Variants in ATP6V1C1 observed in about 807,000 individuals in gnomAD.
ATP6V1C1 encodes V-type proton ATPase subunit C 1.
ATP6V1C1 carries 45 observed loss-of-function variants against 53.9 expected under a neutral mutation model. The observed-to-expected ratio is 0.83, with a 90% CI of 0.66 to 1.07. The LOEUF is 1.07. ATP6V1C1 is among the 50% of genes least tolerant of loss of function. The probability of loss-of-function intolerance (pLI) is 0.00; values close to 1 mark genes in which losing one functional copy is unlikely to be tolerated. For missense variants in ATP6V1C1, 315 were observed against 440.3 expected, an observed-to-expected ratio of 0.72 and a Z score of 2.55; for synonymous variants, 153 against 155.2, an observed-to-expected ratio of 0.99 and a Z score of 0.11.
At chr8:103,050,056 G>A (rs1291426754) in intron 4 of ATP6V1C1, among the ~76,000 whole-genome samples, 1 of 152,112 alleles carries the variant, frequency 6.6e-6, no homozygotes, top group African/African-American at 2.4e-5. Context: ...TAAATCCAGT[G>A]TTCCTGAAAT....
rs556194183 is a variant in ATP6V1C1, at chr8:103,029,923, G to A, written c.-40+8698G>A. Among the ~76,000 whole-genome samples, 379 of 152,166 alleles carry A rather than the reference G, an allele frequency of 2.5e-3. 3 individuals carry two copies. Among genetic ancestry groups the A allele is most frequent in the African/African-American group, 8.8e-3 (364 of 41,514 alleles). ...GATTTTTGTATTTTTAGTAGAGACAGGGTTTTACTATGTTGGCCGTGGCTG... is the reference window on the plus strand; with the variant it reads ...GATTTTTGTATTTTTAGTAGAGACAAGGTTTTACTATGTTGGCCGTGGCTG... On this transcript the variant is annotated intron_variant, in intron 1 of 12. Transcript: ENST00000518738.
chr8:103,040,127 C>CT (rs1187962477), intron 1 of ATP6V1C1, among the ~76,000 whole-genome samples: 2 of 150,130 alleles, frequency 1.3e-5, no homozygotes, highest in Non-Finnish European at 3.0e-5. Context: ...CTTTTTTTTT[C>CT]TTTTTTTAAA....
chr8:103,072,183 G>A lies in ATP6V1C1; in HGVS notation c.*3436G>A, dbSNP rs1817598295. 6.6e-6 allele frequency: 1 copy of A among 152,208 alleles called. No individual in the cohort carries two copies. The highest frequency in any genetic ancestry group is 2.1e-4 in the South Asian group (1 of 4,836). 9.4% of individuals were successfully genotyped at this position (152,208 alleles called of 1,614,324 possible). On this transcript the variant is annotated 3_prime_UTR_variant, in exon 13 of 13. Coordinates refer to ENST00000518738, the MANE Select transcript of ATP6V1C1 (RefSeq NM_001695.5). The stretch of plus-strand genomic sequence containing the variant: ...GAACATATTCCAGCTTTTTGAATGA[G>A]TGCATATCCAGTAGTACCTTTAAAG...
intron 1 of ATP6V1C1, among the ~76,000 whole-genome samples, chr8:103,034,090 A>G (rs547012657): frequency 3.0e-4 from 46 of 152,294 alleles, no homozygotes; most frequent in Non-Finnish European, 5.1e-4. Context: ...GGCTGGAGAC[A>G]TACATTTCAG....
At chr8:103,029,554 C>T (rs1222527497) in intron 1 of ATP6V1C1, among the ~76,000 whole-genome samples, 1 of 152,134 alleles carries the variant, frequency 6.6e-6, no homozygotes, top group Admixed American at 6.6e-5. Context: ...AGGCATGAGC[C>T]ACTGCACCCA....
chr8:103,043,131 CAT>C (rs1295963931), intron 3 of ATP6V1C1, among the ~76,000 whole-genome samples: 1 of 152,084 alleles, frequency 6.6e-6, no homozygotes, highest in Non-Finnish European at 1.5e-5. Flanking sequence ...ATTTCTGGGT[CAT>C]ATGGTAACTC....
In ATP6V1C1 at chr8:103,053,360, T is replaced by A. The variant is rs535664553; in HGVS notation, c.474-524T>A. Among the ~76,000 whole-genome samples the A allele has an allele frequency of 5.9e-5, 9 of 152,076 alleles. 1 individual carries two copies. The South Asian group carries it at 1.9e-3, about 31-fold the overall frequency. On this transcript the variant is annotated intron_variant, in intron 6 of 12. Coordinates refer to ENST00000518738, the MANE Select transcript of ATP6V1C1 (RefSeq NM_001695.5). ...TGCCTTCATATCCTAGAGGGAAAGT[T>A]GGTTGGATACTGTGAGTGATACAAA... is the stretch of plus-strand genomic sequence containing the variant.
intron 1 of ATP6V1C1, among the ~76,000 whole-genome samples, chr8:103,035,105 C>A (rs1816868595): frequency 6.6e-6 from 1 of 152,094 alleles, no homozygotes; most frequent in Non-Finnish European, 1.5e-5. Flanking sequence ...GCCTGAAGTA[C>A]AGATAGGTTC....
intron 7 of ATP6V1C1, among the ~76,000 whole-genome samples, 178 bp from the exon 8 acceptor site, chr8:103,055,690 C>G (rs1307578106): frequency 6.6e-6 from 1 of 152,096 alleles, no homozygotes; most frequent in African/African-American, 2.4e-5. Context: ...TCCTGCATTA[C>G]TCAGTGTATT....
At chr8:103,045,556 T>G (rs1817078833) in intron 3 of ATP6V1C1, among the ~76,000 whole-genome samples, 1 of 152,188 alleles carries the variant, frequency 6.6e-6, no homozygotes, top group Admixed American at 6.5e-5. Flanking sequence ...TTATGAATTA[T>G]TATAAATATA....
At chr8:103,039,821 G>C (rs755562196) in intron 1 of ATP6V1C1, among the ~76,000 whole-genome samples, 1 of 151,988 alleles carries the variant, frequency 6.6e-6, no homozygotes, top group Non-Finnish European at 1.5e-5. Context: ...ACTGCAGCCT[G>C]CCTCTCAGAT....
chr8:103,060,600 C>T (rs1469837059), intron 8 of ATP6V1C1, among the ~76,000 whole-genome samples: 1 of 152,238 alleles, frequency 6.6e-6, no homozygotes, highest in Non-Finnish European at 1.5e-5. Context: ...GCTTGCATTA[C>T]AGAGTCTCAG....
At chr8:103,046,662 TAA>T (rs1413625690) in intron 3 of ATP6V1C1, among the ~76,000 whole-genome samples, 2 of 152,222 alleles carry the variant, frequency 1.3e-5, no homozygotes, top group Non-Finnish European at 2.9e-5. Flanking sequence ...TCCTGAATGA[TAA>T]GAGGAATTTA....
At chr8:103,027,379 A>C (rs958798428) in intron 1 of ATP6V1C1, among the ~76,000 whole-genome samples, 4 of 152,154 alleles carry the variant, frequency 2.6e-5, no homozygotes, top group Non-Finnish European at 4.4e-5. Context: ...GTGTCGGAGC[A>C]CTTAGTGGAG....
chr8:103,028,064 T>G (rs182920174), intron 1 of ATP6V1C1, among the ~76,000 whole-genome samples: 7 of 152,276 alleles, frequency 4.6e-5, no homozygotes, highest in Non-Finnish European at 7.4e-5. Flanking sequence ...AAACATAAAA[T>G]AGATGTCTGC....
rs1817588588 is a variant in ATP6V1C1 at position 103,071,633 on chromosome 8, A to C, written c.*2886A>C. On this transcript the variant is annotated 3_prime_UTR_variant, in exon 13 of 13. Transcript: ENST00000518738. ...TGTTTTGTTTTGTTTTGTTTTTGAGACAAGGTCTTGCTCTGTCACCCAGGC... is the reference window on the plus strand; with the variant it reads ...TGTTTTGTTTTGTTTTGTTTTTGAGCCAAGGTCTTGCTCTGTCACCCAGGC... 1 of 152,416 alleles carries C rather than the reference A, an allele frequency of 6.6e-6. No individual in the cohort carries two copies. Among genetic ancestry groups the C allele is most frequent in the African/African-American group, 2.4e-5 (1 of 41,402 alleles). The allele number at this position is 152,416 out of a possible 1,614,324, so 9.4% of individuals were successfully genotyped here. A position where few individuals can be genotyped will look rare whatever the true frequency, so the allele number is the denominator to read the frequency against.
intron 8 of ATP6V1C1, 27 bp downstream of exon 8, chr8:103,055,963 T>C (rs1354986654): frequency 1.3e-6 from 2 of 1,598,414 alleles, no homozygotes; most frequent in Non-Finnish European, 1.7e-6. Flanking sequence ...GTAAAACCAT[T>C]TGTTTCCTAG....
chr8:103,052,812 C>G lies in ATP6V1C1; in HGVS notation c.463C>G (p.Arg155Gly). The change falls in exon 6 of 13, where the codon CGA becomes GGA. Residue 155 changes from arginine to glycine, a missense_variant. Arg to Gly is a moderately radical substitution (Grantham distance 125). Coordinates refer to ENST00000518738, the MANE Select transcript of ATP6V1C1 (RefSeq NM_001695.5). ...NLKGNLQNLE[R>G]KNAGSLLTRS... is the part of the protein sequence containing the mutation. The stretch of plus-strand genomic sequence containing the variant: ...GAAAGGAAATCTTCAGAATTTGGAA[C>G]GAAAGAATGCGTAAGCAGATCAAGT... 6.3e-7 allele frequency: 1 copy of G among 1,584,956 alleles called. No homozygotes were observed. Among genetic ancestry groups the G allele is most frequent in the Non-Finnish European group, 8.6e-7 (1 of 1,165,338 alleles).
intron 3 of ATP6V1C1, among the ~76,000 whole-genome samples, chr8:103,047,440 A>G (rs1268831715): frequency 8.8e-6 from 1 of 113,254 alleles, no homozygotes; most frequent in African/African-American, 3.1e-5. Flanking sequence ...GCACACACAC[A>G]CACACACACA....
Sources: allele counts gnomAD v4.1 joint callset (sites outside exome capture counted in the v4.1 genomes callset), GRCh38; gene constraint gnomAD v4.1.1; transcripts MANE v1.5; gene names NCBI Gene and HGNC (gene_info 2026-07-23, HGNC 2026-07-21).